Variants in PTGER3 observed in about 807,000 individuals in gnomAD.
PTGER3 encodes the protein prostaglandin E2 receptor EP3 subtype.
In PTGER3, 22 loss-of-function variants were observed where a neutral mutation model predicts 34.7. The observed-to-expected ratio is 0.63, with a 90% CI of 0.45 to 0.91. The LOEUF is 0.91. PTGER3 is among the 40% of genes least tolerant of loss of function. PTGER3 has a pLI of 0.00. For synonymous variants in PTGER3, 241 were observed against 230.1 expected, an observed-to-expected ratio of 1.05 and a Z score of -0.43; for missense variants, 468 against 519.4, an observed-to-expected ratio of 0.90 and a Z score of 0.96.
intron 1 of PTGER3, among the ~76,000 whole-genome samples, chr1:71,018,571 C>A (rs2100887161): frequency 6.6e-6 from 1 of 152,190 alleles, no homozygotes; most frequent in Admixed American, 6.5e-5. Flanking sequence ...CACTTACTAT[C>A]CTCCAGAAAG....
chr1:70,949,879 G>C (rs955701801), downstream of PTGER3, among the ~76,000 whole-genome samples: 3 of 152,278 alleles, frequency 2.0e-5, no homozygotes, highest in South Asian at 2.1e-4. Context: ...AGAGAGGCTT[G>C]CTGGGGATTA....
rs554600397 is a variant in PTGER3, at chr1:70,876,753, C to G, written c.*24-23894G>C. On this transcript the variant is annotated intron_variant, in intron 4 of 4. Transcript: ENST00000370931. ...TTGTTTTTGTCAACTTTGTCAAAAA[C>G]AAGATGCCTGTAGGTCTGTGGCTTT... Among the ~76,000 whole-genome samples, 24 of 152,144 alleles carry G rather than the reference C, an allele frequency of 1.6e-4. No individual in the cohort carries two copies. The South Asian group carries it at 4.8e-3, about 30-fold the overall frequency.
exon 5 of PTGER3, chr1:70,852,769 AT>A (rs57634643): frequency 5.9e-5 from 92 of 1,547,632 alleles, no homozygotes; most frequent in Middle Eastern, 3.4e-4. Context: ...TGTTTCTGTG[AT>A]TTTTTTTTCT....
At chr1:70,981,388 T>C (rs71575478) in intron 2 of PTGER3, among the ~76,000 whole-genome samples, 1,783 of 39,328 alleles carry the variant, frequency 0.045, 21 homozygotes, top group Middle Eastern at 0.077. Flanking sequence ...TCTTTCTTTC[T>C]TTCTTTCCTT....
At chr1:71,006,778 G>T in intron 2 of PTGER3, 1 of 985,304 alleles carries the variant, frequency 1.0e-6, no homozygotes, top group Middle Eastern at 5.2e-4. Flanking sequence ...ACATCAAATG[G>T]GATTTCAGCA....
chr1:70,873,775 G>A (rs974378360), intron 4 of PTGER3, among the ~76,000 whole-genome samples: 1 of 151,806 alleles, frequency 6.6e-6, no homozygotes, highest in African/African-American at 2.4e-5. Flanking sequence ...AGCCTCCTGA[G>A]TAGCTGGGAT....
At chr1:70,986,439 G>A (rs974044348) in intron 2 of PTGER3, among the ~76,000 whole-genome samples, 1 of 152,126 alleles carries the variant, frequency 6.6e-6, no homozygotes, top group African/African-American at 2.4e-5. Flanking sequence ...CCTATGAGGG[G>A]ACGAGCCTAA....
intron 2 of PTGER3, among the ~76,000 whole-genome samples, chr1:70,996,639 T>TTATATTTATTTATTTATTTA (rs1553173495): frequency 8.1e-6 from 1 of 122,752 alleles, no homozygotes. Context: ...TTTTTTGTAT[T>TTATATTTATTTATTTATTTA]TTTATTTATT....
chr1:70,928,336 G>C (rs1250251985), intron 4 of PTGER3, among the ~76,000 whole-genome samples: 2 of 151,514 alleles, frequency 1.3e-5, no homozygotes, highest in Admixed American at 1.3e-4. Context: ...GGGTTAGGGG[G>C]AAGAAATGAA....
intron 4 of PTGER3, among the ~76,000 whole-genome samples, chr1:70,868,491 A>C (rs563037941): frequency 6.6e-6 from 1 of 152,178 alleles, no homozygotes; most frequent in Non-Finnish European, 1.5e-5. Context: ...GCACAAAGTA[A>C]TGTACAAATA....
intron 4 of PTGER3, among the ~76,000 whole-genome samples, chr1:70,890,634 G>A (rs1646595994): frequency 6.6e-6 from 1 of 152,112 alleles, no homozygotes; most frequent in African/African-American, 2.4e-5. Flanking sequence ...ATCAGTTTTA[G>A]CACTTAAATA....
chr1:71,046,762 C>A lies in PTGER3; in HGVS notation c.816G>T (p.Gln272His). The stretch of plus-strand genomic sequence containing the variant: ...CCGTCTCGGTCGTGATGCGGCCCCA[C>A]TGGGCACTGGACTGAGATGCCGTGG... ...AKATASQSSA[Q>H]WGRITTETAI... The change falls in exon 1 of 4, where the codon CAG becomes CAT. Residue 272 changes from glutamine to histidine, a missense_variant. Physicochemically the swap from Gln to His is conservative, Grantham distance 24. Around this residue, in one of 5 missense-constraint regions of PTGER3, gnomAD observed 204 missense variants for 230.8 expected, o/e 0.88. Transcript: ENST00000306666. 10 of 1,613,730 alleles carry A rather than the reference C, an allele frequency of 6.2e-6. No individual in the cohort carries two copies. Among genetic ancestry groups the A allele is most frequent in the Non-Finnish European group, 8.5e-6 (10 of 1,179,910 alleles).
intron 4 of PTGER3, among the ~76,000 whole-genome samples, chr1:70,868,308 T>C (rs1646088582): frequency 6.6e-6 from 1 of 152,188 alleles, no homozygotes; most frequent in South Asian, 2.1e-4. Context: ...TGTTTCTGAA[T>C]ACTTCTGCTA....
chr1:70,936,439 C>T (rs1649238615), intron 4 of PTGER3, among the ~76,000 whole-genome samples: 1 of 152,028 alleles, frequency 6.6e-6, no homozygotes, highest in South Asian at 2.1e-4. Flanking sequence ...TTTAATGAAA[C>T]AATTTTACTA....
chr1:70,949,011 TAG>T (rs1204368982), downstream of PTGER3, among the ~76,000 whole-genome samples: 2 of 152,182 alleles, frequency 1.3e-5, no homozygotes, highest in African/African-American at 4.8e-5. Flanking sequence ...TGGATTCAAA[TAG>T]AGTTTGCATT....
intron 2 of PTGER3, among the ~76,000 whole-genome samples, chr1:70,983,049 T>C (rs1557710910): frequency 6.6e-6 from 1 of 151,542 alleles, no homozygotes; most frequent in Non-Finnish European, 1.5e-5. Flanking sequence ...CTTTGAAGAA[T>C]AAAAAAAGGA....
chr1:70,983,447 T>C (rs2206343), intron 2 of PTGER3, among the ~76,000 whole-genome samples: 92,641 of 151,882 alleles, frequency 0.61, 28,481 homozygotes, highest in Middle Eastern at 0.66. Context: ...GTGCCTCTCC[T>C]ATAGTATGAA....
At chr1:70,993,799 A>G (rs548851985) in intron 2 of PTGER3, among the ~76,000 whole-genome samples, 1 of 152,326 alleles carries the variant, frequency 6.6e-6, no homozygotes, top group South Asian at 2.1e-4. Context: ...GTGAACAATA[A>G]GAAGAATTGA....
intron 4 of PTGER3, among the ~76,000 whole-genome samples, chr1:70,892,940 C>A (rs1449752708): frequency 1.3e-5 from 2 of 151,888 alleles, no homozygotes; most frequent in East Asian, 3.9e-4. Context: ...TACAGCAGAT[C>A]CTGTAATACA....
Sources: gnomAD v4.1 joint callset for allele counts (sites outside exome capture counted in the v4.1 genomes callset) on GRCh38, gnomAD v4.1.1 for gene constraint, gnomAD v4.1.1 regional missense constraint, MANE v1.5 for transcripts, NCBI Gene and HGNC (gene_info 2026-07-23, HGNC 2026-07-21) for gene names.